Variants in CX3CL1 observed in about 807,000 individuals in gnomAD.
The protein encoded by CX3CL1 is fractalkine.
In CX3CL1, 1 loss-of-function variant was observed where a neutral mutation model predicts 14.1. The ratio of observed to expected loss-of-function variants is 0.07; its 90% CI spans 0.03 to 0.34. The LOEUF (loss-of-function observed/expected upper bound fraction) is 0.34. CX3CL1 is among the 10% of genes least tolerant of loss of function. The probability of loss-of-function intolerance (pLI) is 0.99; values close to 1 mark genes in which losing one functional copy is unlikely to be tolerated. For synonymous variants in CX3CL1, 255 were observed against 229.6 expected (o/e 1.11, Z -1.00); for missense variants, 505 against 536.4 (o/e 0.94, Z 0.58).
intron 1 of CX3CL1, 50 bp downstream of exon 1, chr16:57,372,688 C>CA: frequency 6.3e-7 from 1 of 1,590,486 alleles, no homozygotes. Context: ...CCCCCAGCCC[C>CA]TTGTCTATCC....
At chr16:57,375,855 A>G (rs1902238437) in intron 1 of CX3CL1, among the ~76,000 whole-genome samples, 1 of 152,052 alleles carries the variant, frequency 6.6e-6, no homozygotes, top group Non-Finnish European at 1.5e-5. Flanking sequence ...AAACCCCAAT[A>G]TGTTTGTGGT....
intron 1 of CX3CL1, chr16:57,377,820 G>T (rs1044758786): frequency 1.3e-5 from 2 of 152,086 alleles, no homozygotes; most frequent in African/African-American, 4.8e-5. Flanking sequence ...CCTTGACTCA[G>T]ATCTGAAACT....
rs759957725 is a variant in CX3CL1, at chr16:57,382,204, C to T, written c.366C>T (p.Asp122=). ...CCACCCCTGCCGCCGGGGGAATGGACGAGTCTGTGGTCCTGGAGCCCGAAG... is the reference window on the plus strand; with the variant it reads ...CCACCCCTGCCGCCGGGGGAATGGATGAGTCTGTGGTCCTGGAGCCCGAAG... ...PRTTPAAGGM[D]ESVVLEPEAT... is the part of the protein sequence containing the mutation. The change falls in exon 3 of 3, where the codon GAC becomes GAT. Residue 122 remains aspartate, a synonymous_variant. Coordinates refer to ENST00000006053, the MANE Select transcript of CX3CL1 (RefSeq NM_002996.6). This position sits in a 1 kb window ranked among gnomAD's most constrained non-coding sequence, Gnocchi z 6.9. The T allele has an allele frequency of 6.2e-6, 10 of 1,613,308 alleles. No individual in the cohort carries two copies. Among genetic ancestry groups the T allele is most frequent in the Middle Eastern group, 1.6e-4 (1 of 6,062 alleles).
At chr16:57,377,499 ACCACCTTC>A (rs1902261731) in intron 1 of CX3CL1, 1 of 152,208 alleles carries the variant, frequency 6.6e-6, no homozygotes, top group Admixed American at 6.6e-5. Context: ...CCGGCCCTAA[ACCACCTTC>A]CCACAAAGCA....
chr16:57,382,168 G>A lies in CX3CL1; in HGVS notation c.330G>A (p.Val110=), dbSNP rs755248084. 1 of 1,613,756 alleles carries A rather than the reference G, an allele frequency of 6.2e-7. No individual in the cohort carries two copies. The highest frequency in any genetic ancestry group is 8.5e-7 in the Non-Finnish European group (1 of 1,179,974). The change falls in exon 3 of 3, where the codon GTG becomes GTA. Residue 110 remains valine (V), a synonymous_variant. Transcript: ENST00000006053. This position sits in a 1 kb window ranked among gnomAD's most constrained non-coding sequence, Gnocchi z 6.9. ...CCTTCGAGAAGCAGATCGGCGAGGT[G>A]AAGCCCAGGACCACCCCTGCCGCCG... ...GGTFEKQIGE[V]KPRTTPAAGG... is the part of the protein sequence containing the mutation.
rs1902360578 is a variant in CX3CL1, at chr16:57,383,198, G to A, written c.*166G>A. ...CAAGCTCCCAGGCATTCCCCAGGAG[G>A]CCAGCCTTGACCATTCTCCACCTGC... is the stretch of plus-strand genomic sequence containing the variant. On this transcript the variant is annotated 3_prime_UTR_variant, in exon 3 of 3. Transcript: ENST00000006053. The A allele has an allele frequency of 8.6e-6, 5 of 578,350 alleles. No individual in the cohort carries two copies. The highest frequency in any genetic ancestry group is 2.6e-6 in the Non-Finnish European group (1 of 382,412). The allele number at this position is 578,350 out of a possible 1,614,324, so 35.8% of individuals were successfully genotyped here. A position where few individuals can be genotyped will look rare whatever the true frequency, so the allele number is the denominator to read the frequency against.
rs544542914 is a variant in CX3CL1, at chr16:57,379,503, A to G, written c.71-131A>G. 42 of 1,093,552 alleles carry G rather than the reference A, an allele frequency of 3.8e-5. No homozygotes were observed. The African/African-American group carries it at 5.3e-4, about 14-fold the overall frequency. The allele number at this position is 1,093,552 out of a possible 1,614,324, so 67.7% of individuals were successfully genotyped here. A position where few individuals can be genotyped will look rare whatever the true frequency, so the allele number is the denominator to read the frequency against. The stretch of plus-strand genomic sequence containing the variant: ...TGGCAGGGGAGGGAGGCTGAGTCAA[A>G]GGCCTTGAAGGCCAGGGTGTACAGG... On this transcript the variant is annotated intron_variant, in intron 1 of 2. Transcript: ENST00000006053.
Position 57,380,634 on chromosome 16 carries a change from A to G in CX3CL1, c.191+880A>G, listed in dbSNP as rs554662686. On this transcript the variant is annotated intron_variant, in intron 2 of 2. Coordinates refer to ENST00000006053, the MANE Select transcript of CX3CL1 (RefSeq NM_002996.6). ...GTCAGTAGGAGCTGCAGAAATCACT[A>G]TCTCCATTGGACAGACAGGAAACGA... 2.9e-5 allele frequency among the ~76,000 whole-genome samples: 4 copies of G among 137,474 alleles called. No individual in the cohort carries two copies. The Admixed American group carries it at 3.1e-4, about 11-fold the overall frequency. The allele number at this position is 137,474 out of a possible 152,430, so 90.2% of individuals were successfully genotyped here. A position where few individuals can be genotyped will look rare whatever the true frequency, so the allele number is the denominator to read the frequency against.
intron 1 of CX3CL1, among the ~76,000 whole-genome samples, chr16:57,375,981 C>A (rs1902239723): frequency 6.6e-6 from 1 of 152,192 alleles, no homozygotes; most frequent in South Asian, 2.1e-4. Context: ...GCACTGGGCA[C>A]ATTTAGCCTC....
chr16:57,372,943 C>G (rs183419), intron 1 of CX3CL1, among the ~76,000 whole-genome samples: 1 of 151,918 alleles, frequency 6.6e-6, no homozygotes, highest in African/African-American at 2.4e-5. Context: ...GCCAGGAGGG[C>G]GGGGGTGGAG....
chr16:57,374,232 G>A (rs1902215576), intron 1 of CX3CL1, among the ~76,000 whole-genome samples: 1 of 152,144 alleles, frequency 6.6e-6, no homozygotes, highest in Non-Finnish European at 1.5e-5. Flanking sequence ...TGGTTTGGAA[G>A]CCAGAGAGAC....
At position 57,382,736 on chromosome 16, in the gene CX3CL1, G is replaced by A; in HGVS notation, c.898G>A (p.Glu300Lys). The A allele has an allele frequency of 6.2e-7, 1 of 1,612,676 alleles. No individual in the cohort carries two copies. The highest frequency in any genetic ancestry group is 1.1e-5 in the South Asian group (1 of 91,028). The change falls in exon 3 of 3, where the codon GAG becomes AAG. Residue 300 changes from glutamate (E) to lysine (K), a missense_variant. Glu to Lys is a moderately conservative substitution (Grantham distance 56). Coordinates refer to ENST00000006053, the MANE Select transcript of CX3CL1 (RefSeq NM_002996.6). The surrounding 1 kb of genome is among the most constrained non-coding windows in gnomAD (Gnocchi z 6.9). ...CTCCTCAGAAGGGACCCCCAGCAGG[G>A]AGCCAGTGGCTTCAGGCAGCTGGAC... is the stretch of plus-strand genomic sequence containing the variant. ...PVSSEGTPSR[E>K]PVASGSWTPK...
chr16:57,372,688 C>T (rs1209150613), intron 1 of CX3CL1, 50 bp downstream of exon 1: 5 of 1,590,486 alleles, frequency 3.1e-6, no homozygotes, highest in Non-Finnish European at 3.4e-6. Flanking sequence ...CCCCCAGCCC[C>T]TTGTCTATCC....
Position 57,383,109 on chromosome 16 carries a change from A to C in CX3CL1, c.*77A>C. The stretch of plus-strand genomic sequence containing the variant: ...CTCATCCTCATACCCACCCCCACCC[A>C]AGGGCCTGGCCTGAGCTGGGATGAT... On this transcript the variant is annotated 3_prime_UTR_variant, in exon 3 of 3. Transcript: ENST00000006053. The C allele has an allele frequency of 8.6e-6, 11 of 1,272,462 alleles. No homozygotes were observed. The highest frequency in any genetic ancestry group is 2.9e-5 in the Admixed American group (1 of 34,256). The allele number at this position is 1,272,462 out of a possible 1,614,324, so 78.8% of individuals were successfully genotyped here.
chr16:57,375,466 AG>A (rs1426305368), intron 1 of CX3CL1, among the ~76,000 whole-genome samples: 1 of 152,264 alleles, frequency 6.6e-6, no homozygotes, highest in Admixed American at 6.5e-5. Flanking sequence ...TACCCGGGAC[AG>A]CCCCCAAAAC....
intron 2 of CX3CL1, 30 bp downstream of exon 2, chr16:57,379,784 C>G (rs764967502): frequency 6.2e-7 from 1 of 1,612,312 alleles, no homozygotes; most frequent in Non-Finnish European, 8.5e-7. Flanking sequence ...CCTCTGAAAT[C>G]CCCTTTGGGC....
intron 1 of CX3CL1, among the ~76,000 whole-genome samples, chr16:57,376,116 T>TA (rs1361080736): frequency 2.6e-5 from 4 of 151,980 alleles, no homozygotes; most frequent in African/African-American, 4.8e-5. Flanking sequence ...GGTGTTCAAT[T>TA]AAAAAAAATA....
At chr16:57,381,913 C>T in intron 2 of CX3CL1, 117 bp from the exon 3 acceptor site, 1 of 1,153,284 alleles carries the variant, frequency 8.7e-7, no homozygotes, top group Non-Finnish European at 1.2e-6. Context: ...AGTGGGAGGA[C>T]AGGGTTTCCA....
chr16:57,379,566 C>A (rs1455298503), intron 1 of CX3CL1, 68 bp from the exon 2 acceptor site: 1 of 1,604,278 alleles, frequency 6.2e-7, no homozygotes. Context: ...CCGGGACAAT[C>A]TGGCACGGGG....
Sources: allele counts gnomAD v4.1 joint callset (sites outside exome capture counted in the v4.1 genomes callset), GRCh38; gene constraint gnomAD v4.1.1; non-coding constraint Gnocchi (gnomAD v3.1); transcripts MANE v1.5; gene names NCBI Gene and HGNC (gene_info 2026-07-23, HGNC 2026-07-21).